Variants in MAK observed in about 807,000 individuals in gnomAD.
MAK encodes male germ cell associated kinase, also known as serine/threonine-protein kinase MAK.
MAK carries 65 observed loss-of-function variants against 82.6 expected under a neutral mutation model. The ratio of observed to expected loss-of-function variants is 0.79; its 90% CI spans 0.64 to 0.97. The LOEUF (loss-of-function observed/expected upper bound fraction) is 0.97. Ranked by LOEUF, MAK falls within the 50% of genes least tolerant of loss-of-function variation. MAK has a pLI of 0.00. For missense variants in MAK, 703 were observed against 780.2 expected (o/e 0.90, Z 1.18); for synonymous variants, 250 against 274.2 (o/e 0.91, Z 0.87).
At chr6:10,837,916 TG>T (rs1199720137) in intron 1 of MAK, 1 of 152,170 alleles carries the variant, frequency 6.6e-6, no homozygotes. Context: ...CCGGCGCCGT[TG>T]GGGGGGACGG....
intron 7 of MAK, 56 bp from the exon 8 acceptor site, chr6:10,802,115 A>G: frequency 7.0e-7 from 1 of 1,422,614 alleles, no homozygotes. Context: ...TGTTTTTAGT[A>G]ATCCATTTAA....
intron 4 of MAK, among the ~76,000 whole-genome samples, chr6:10,816,444 C>CA (rs1473747059): frequency 6.6e-6 from 1 of 151,654 alleles, no homozygotes; most frequent in Non-Finnish European, 1.5e-5. Context: ...TTTTTTTCTT[C>CA]AACAAGGGTA....
chr6:10,772,999 G>GT, intron 13 of MAK, 35 bp downstream of exon 13: 1 of 1,375,048 alleles, frequency 7.3e-7, no homozygotes, highest in Non-Finnish European at 1.0e-6. Flanking sequence ...GAGATTCAAA[G>GT]AACAAACTGC....
chr6:10,786,380 A>G (rs1232724376), intron 10 of MAK, among the ~76,000 whole-genome samples: 2 of 152,066 alleles, frequency 1.3e-5, no homozygotes, highest in Non-Finnish European at 2.9e-5. Context: ...GGTCTGTTCA[A>G]TGCACCAGTT....
Position 10,803,770 on chromosome 6 carries a change from C to G in MAK, c.613G>C (p.Glu205Gln). 6.2e-7 allele frequency: 1 copy of G among 1,614,096 alleles called. No homozygotes were observed. Among genetic ancestry groups the G allele is most frequent in the Non-Finnish European group, 8.5e-7 (1 of 1,180,008 alleles). Residue 205 changes from glutamate to glutamine, a missense_variant, in exon 7 of 15, where the codon GAG becomes CAG. Glu to Gln is a conservative substitution (Grantham distance 29). Coordinates refer to ENST00000354489, the MANE Select transcript of MAK (RefSeq NM_001242957.3). ...CAAATTTTAAAGATTTCATCGACCT[C>G]ACTTGTCCCTGGGAAAAGTGGCCTT... ...MLRPLFPGTSEVDEIFKICQV... is the reference protein window; with the variant it reads ...MLRPLFPGTSQVDEIFKICQV...
chr6:10,787,255 A>T (rs1166645225), intron 10 of MAK, among the ~76,000 whole-genome samples: 1 of 152,242 alleles, frequency 6.6e-6, no homozygotes, highest in African/African-American at 2.4e-5. Context: ...AAATCCACCA[A>T]TTCACCAATT....
rs1561991808 is a variant in MAK at position 10,815,932 on chromosome 6, ATATATATATATAT to A, written c.278+1905_278+1917del. Among the ~76,000 whole-genome samples, 49 of 133,180 alleles carry A rather than the reference ATATATATATATAT, an allele frequency of 3.7e-4. 1 individual carries two copies. Among genetic ancestry groups the A allele is most frequent in the African/African-American group, 1.6e-3 (47 of 28,774 alleles). The allele number at this position is 133,180 out of a possible 152,430, so 87.4% of individuals were successfully genotyped here. ...ATACAGTATATATATATATATATAT[ATATATATATATAT>A]ATGTATGTTTTCTTTTTTGTTTGAG... On this transcript the variant is annotated intron_variant, in intron 4 of 14. Coordinates refer to ENST00000354489, the MANE Select transcript of MAK (RefSeq NM_001242957.3).
At chr6:10,772,022 A>G (rs1301074453) in intron 13 of MAK, among the ~76,000 whole-genome samples, 4 of 152,228 alleles carry the variant, frequency 2.6e-5, no homozygotes, top group African/African-American at 4.8e-5. Context: ...ATACCTAAGG[A>G]AATTTCGTCC....
chr6:10,822,095 T>C (rs1411479430), intron 2 of MAK, among the ~76,000 whole-genome samples: 7 of 128,744 alleles, frequency 5.4e-5, no homozygotes, highest in Admixed American at 9.3e-5. Context: ...TGCAGTGAGC[T>C]GAGATCGCAC....
rs1442586633 is a variant in MAK, at chr6:10,818,824, TAAC to T, written c.156+59_156+61del. Reference sequence around the variant, plus strand: ...CTTCCCACAGAGAATAAAATCATCTTAACTACGGTCCTCAGGTAGTGTTAAGGC... The same window carrying T: ...CTTCCCACAGAGAATAAAATCATCTTTACGGTCCTCAGGTAGTGTTAAGGC... On this transcript the variant is annotated intron_variant, in intron 3 of 14. Coordinates refer to ENST00000354489, the MANE Select transcript of MAK (RefSeq NM_001242957.3). 6 of 876,314 alleles carry T rather than the reference TAAC, an allele frequency of 6.8e-6. No individual in the cohort carries two copies. In the East Asian group the frequency reaches 1.2e-4, roughly 18 times the overall value. 54.3% of individuals were successfully genotyped at this position (876,314 alleles called of 1,614,324 possible).
intron 12 of MAK, among the ~76,000 whole-genome samples, chr6:10,774,797 G>C (rs1307007012): frequency 6.6e-6 from 1 of 151,928 alleles, no homozygotes; most frequent in Non-Finnish European, 1.5e-5. Flanking sequence ...CATTTCATTG[G>C]CACCCCAGAT....
At chr6:10,766,520 G>C (rs1772448485) in intron 14 of MAK, among the ~76,000 whole-genome samples, 1 of 152,204 alleles carries the variant, frequency 6.6e-6, no homozygotes, top group South Asian at 2.1e-4. Context: ...ATCTAACAAA[G>C]TCAGGGACAA....
At chr6:10,827,348 A>G (rs1778453828) in intron 2 of MAK, among the ~76,000 whole-genome samples, 1 of 152,102 alleles carries the variant, frequency 6.6e-6, no homozygotes, top group Non-Finnish European at 1.5e-5. Flanking sequence ...TTGTATATGG[A>G]TGTATTTGTA....
rs920695606 is a variant in MAK, at chr6:10,772,970, T to C, written c.1672+64A>G. ...TTATGTCAGGATTAGGGGCAAATGT[T>C]GAGAAGAAAATCAGACAAGAGATTC... On this transcript the variant is annotated intron_variant, in intron 13 of 14. Transcript: ENST00000354489. The C allele has an allele frequency of 9.8e-6, 11 of 1,121,312 alleles. No individual in the cohort carries two copies. In the African/African-American group the frequency reaches 1.1e-4, roughly 11 times the overall value. 69.5% of individuals were successfully genotyped at this position (1,121,312 alleles called of 1,614,324 possible).
intron 14 of MAK, among the ~76,000 whole-genome samples, chr6:10,766,859 T>C (rs1410490223): frequency 2.0e-5 from 3 of 149,072 alleles, no homozygotes; most frequent in East Asian, 3.9e-4. Flanking sequence ...AAGTCCTAAA[T>C]GGTTTTAAAT....
At chr6:10,808,974 T>C in intron 5 of MAK, 32 bp from the exon 6 acceptor site, 1 of 1,574,206 alleles carries the variant, frequency 6.4e-7, no homozygotes, top group Non-Finnish European at 8.7e-7. Context: ...AAAAATACAG[T>C]AAATCATTAC....
rs56848714 is a variant in MAK at position 10,784,618 on chromosome 6, G to GATCTCGCCCACCCTCTGCAC, written c.1317-66_1317-47dup. ...AGCATTACAGCACGAACAACGAGAG[G>GATCTCGCCCACCCTCTGCAC]ATCTCGCCCACCCTCTGCACATCTC... On this transcript the variant is annotated intron_variant, in intron 10 of 14. Coordinates refer to ENST00000354489, the MANE Select transcript of MAK (RefSeq NM_001242957.3). The GATCTCGCCCACCCTCTGCAC allele has an allele frequency of 0.17, 225,491 of 1,335,544 alleles. 37,894 individuals are homozygous for GATCTCGCCCACCCTCTGCAC. Among genetic ancestry groups the GATCTCGCCCACCCTCTGCAC allele is most frequent in the South Asian group, 0.37 (30,476 of 81,364 alleles). The allele number at this position is 1,335,544 out of a possible 1,614,324, so 82.7% of individuals were successfully genotyped here.
chr6:10,838,222 G>A (rs999632445), intron 1 of MAK: 1 of 152,396 alleles, frequency 6.6e-6, no homozygotes, highest in Admixed American at 6.5e-5. Context: ...GGCCCCCGCG[G>A]TCCAGGAGGC....
chr6:10,824,973 G>T (rs758957774), intron 2 of MAK, among the ~76,000 whole-genome samples: 1 of 152,202 alleles, frequency 6.6e-6, no homozygotes, highest in Admixed American at 6.6e-5. Context: ...GACTGGAAGA[G>T]TAAATACTCA....
Sources: allele counts gnomAD v4.1 joint callset (sites outside exome capture counted in the v4.1 genomes callset), GRCh38; gene constraint gnomAD v4.1.1; transcripts MANE v1.5; gene names NCBI Gene and HGNC (gene_info 2026-07-23, HGNC 2026-07-21).